The following ULK4 variants were observed in gnomAD, a reference collection of about 807,000 sequenced individuals.
The protein encoded by ULK4 is unc-51 like kinase 4, also known as inactive serine/threonine-protein kinase ULK4.
A neutral mutation model predicts 160.6 loss-of-function variants in ULK4; 133 were observed. The ratio of observed to expected loss-of-function variants is 0.83; its 90% CI spans 0.72 to 0.96. ULK4 has a LOEUF of 0.96. ULK4 is among the 40% of genes least tolerant of loss of function. The pLI, the probability that ULK4 is intolerant of heterozygous loss-of-function variation, is 0.00. For missense variants in ULK4, 1,580 were observed against 1,499.5 expected (o/e 1.05, Z -0.89); for synonymous variants, 534 against 539.8 (o/e 0.99, Z 0.15).
At chr3:41,953,401 C>A (rs1700369695) in intron 2 of ULK4, among the ~76,000 whole-genome samples, 2 of 150,384 alleles carry the variant, frequency 1.3e-5, no homozygotes, top group South Asian at 4.2e-4. Context: ...CTCCCCGGTT[C>A]AAGCGGTTCT....
At chr3:41,776,471 T>C (rs765277561) in intron 21 of ULK4, among the ~76,000 whole-genome samples, 3 of 150,768 alleles carry the variant, frequency 2.0e-5, no homozygotes, top group East Asian at 1.9e-4. Flanking sequence ...AAAAAACTAA[T>C]TGAATAAAAA....
intron 2 of ULK4, among the ~76,000 whole-genome samples, chr3:41,941,133 A>C (rs1394267429): frequency 6.6e-6 from 1 of 151,314 alleles, no homozygotes; most frequent in Non-Finnish European, 1.5e-5. Context: ...TACTGGGCTC[A>C]AGGGATCCTC....
chr3:41,892,644 G>A (rs1018274801), intron 16 of ULK4, among the ~76,000 whole-genome samples: 6 of 152,284 alleles, frequency 3.9e-5, no homozygotes, highest in Admixed American at 3.9e-4. Context: ...GACCCTCCCA[G>A]TCTTAAAACT....
At chr3:41,464,728 T>C (rs2083783402) in intron 32 of ULK4, among the ~76,000 whole-genome samples, 1 of 152,176 alleles carries the variant, frequency 6.6e-6, no homozygotes, top group South Asian at 2.1e-4. Flanking sequence ...CTTTGTGACA[T>C]GTCACACAGA....
chr3:41,916,481 C>T (rs1698968845), intron 7 of ULK4, among the ~76,000 whole-genome samples: 1 of 152,074 alleles, frequency 6.6e-6, no homozygotes, highest in Admixed American at 6.5e-5. Context: ...CTCTACCTCC[C>T]AGGCTCAAGT....
chr3:41,904,798 A>G (rs570604380), intron 12 of ULK4, among the ~76,000 whole-genome samples: 1 of 152,380 alleles, frequency 6.6e-6, no homozygotes, highest in Non-Finnish European at 1.5e-5. Flanking sequence ...CTTAGAATTA[A>G]TTCAAAGTAG....
chr3:41,602,272 AAAGGAAAGGAAAGGAAAGGAAAGG>A (rs1559425456), intron 31 of ULK4, among the ~76,000 whole-genome samples: 1 of 104,090 alleles, frequency 9.6e-6, no homozygotes, highest in African/African-American at 4.8e-5. Context: ...AAAGGAAAGG[AAAGGAAAGGAAAGGAAAGGAAAGG>A]AAAGGAAAGG....
chr3:41,940,079 G>T lies in ULK4; in HGVS notation c.139-1882C>A, dbSNP rs1181650044. On this transcript the variant is annotated intron_variant, in intron 2 of 36. Coordinates refer to ENST00000301831, the MANE Select transcript of ULK4 (RefSeq NM_017886.4). ...ATTGACACTTCTAGTCTTAAAGCTTGAAACTTACACCTGTTTTATTTGAGC... is the reference window on the plus strand; with the variant it reads ...ATTGACACTTCTAGTCTTAAAGCTTTAAACTTACACCTGTTTTATTTGAGC... Among the ~76,000 whole-genome samples the T allele has an allele frequency of 2.0e-5, 3 of 151,548 alleles. No homozygotes were observed. The East Asian group carries it at 5.8e-4, about 29-fold the overall frequency.
At chr3:41,906,531 A>T (rs989339893) in intron 12 of ULK4, among the ~76,000 whole-genome samples, 1 of 152,156 alleles carries the variant, frequency 6.6e-6, no homozygotes, top group Non-Finnish European at 1.5e-5. Context: ...ATTAACTCAA[A>T]AACAAAAAGT....
At chr3:41,282,250 C>T (rs571160404) in intron 35 of ULK4, among the ~76,000 whole-genome samples, 1 of 152,134 alleles carries the variant, frequency 6.6e-6, no homozygotes, top group Admixed American at 6.5e-5. Context: ...AGACTTAATG[C>T]CATCCCCATC....
intron 32 of ULK4, among the ~76,000 whole-genome samples, chr3:41,494,634 C>G (rs1216774182): frequency 6.6e-6 from 1 of 152,136 alleles, no homozygotes; most frequent in Non-Finnish European, 1.5e-5. Context: ...AAGAGGAAGT[C>G]AAATTGTCCC....
intron 32 of ULK4, among the ~76,000 whole-genome samples, chr3:41,491,260 T>C (rs2084751233): frequency 6.6e-6 from 1 of 152,096 alleles, no homozygotes; most frequent in Non-Finnish European, 1.5e-5. Context: ...TGCCATAAAA[T>C]AAATAGTCAA....
intron 22 of ULK4, among the ~76,000 whole-genome samples, chr3:41,729,256 A>C (rs2125862467): frequency 6.6e-6 from 1 of 152,288 alleles, no homozygotes; most frequent in Non-Finnish European, 1.5e-5. Flanking sequence ...AAAAAGGTAA[A>C]GCAAGGAGCC....
intron 32 of ULK4, among the ~76,000 whole-genome samples, chr3:41,491,680 GA>G (rs1233018661): frequency 4.9e-5 from 5 of 101,858 alleles, no homozygotes; most frequent in African/African-American, 1.1e-4. Context: ...AAATTAATAG[GA>G]AAAAAAAGAA....
At chr3:41,504,451 T>C (rs1241774882) in intron 32 of ULK4, among the ~76,000 whole-genome samples, 1 of 152,220 alleles carries the variant, frequency 6.6e-6, no homozygotes, top group Non-Finnish European at 1.5e-5. Context: ...ATTTCTGTTA[T>C]GACTCAGGCT....
intron 35 of ULK4, among the ~76,000 whole-genome samples, chr3:41,384,666 C>A (rs935078188): frequency 1.1e-4 from 16 of 152,126 alleles, no homozygotes; most frequent in Non-Finnish European, 2.2e-4. Flanking sequence ...CTCACTGCAA[C>A]CTCTGCCTCC....
chr3:41,754,356 C>G lies in ULK4; in HGVS notation c.2321+5G>C. On this transcript the variant is annotated splice_donor_5th_base_variant and intron_variant, in intron 22 of 36. Transcript: ENST00000301831. ...TACTGATGAAACCATCAGAGAAAAT[C>G]TTACCTTGCTTGGCAACTGAGCAGC... is the stretch of plus-strand genomic sequence containing the variant. The G allele has an allele frequency of 6.2e-7, 1 of 1,608,066 alleles. No homozygotes were observed. Among genetic ancestry groups the G allele is most frequent in the Non-Finnish European group, 8.5e-7 (1 of 1,177,972 alleles).
intron 31 of ULK4, among the ~76,000 whole-genome samples, chr3:41,567,474 A>C (rs1245900133): frequency 1.9e-5 from 2 of 108,062 alleles, no homozygotes; most frequent in Non-Finnish European, 3.5e-5. Flanking sequence ...TTTGAGATGG[A>C]GTCTCGCTCT....
intron 5 of ULK4, among the ~76,000 whole-genome samples, chr3:41,928,926 A>G (rs766318649): frequency 8.5e-5 from 13 of 152,186 alleles, no homozygotes; most frequent in African/African-American, 1.2e-4. Context: ...AGGGGCTGAT[A>G]ACATCCCTTC....
Sources: allele counts gnomAD v4.1 joint callset (sites outside exome capture counted in the v4.1 genomes callset), GRCh38; gene constraint gnomAD v4.1.1; transcripts MANE v1.5; gene names NCBI Gene and HGNC (gene_info 2026-07-23, HGNC 2026-07-21).